FAM135A: variants seen among roughly 807,000 people sequenced by gnomAD.
FAM135A encodes the protein protein FAM135A.
In FAM135A, 79 loss-of-function variants were observed where a neutral mutation model predicts 146.8. The ratio of observed to expected loss-of-function variants is 0.54; its 90% CI spans 0.45 to 0.65. FAM135A has a LOEUF of 0.65. Ranked by LOEUF, FAM135A falls within the 30% of genes least tolerant of loss-of-function variation. The pLI is 0.00. For missense variants in FAM135A, 1,623 were observed against 1,758.2 expected (o/e 0.92, Z 1.38); for synonymous variants, 562 against 603.6 (o/e 0.93, Z 1.01).
rs1776920147 is a variant in FAM135A, at chr6:70,450,818, T to A, written c.78-1674T>A. On this transcript the variant is annotated intron_variant, in intron 4 of 21. Coordinates refer to ENST00000418814, the MANE Select transcript of FAM135A (RefSeq NM_001162529.3). ...GTGCAGTGGTATGATCTCAGCTCAC[T>A]GCAAACTCTGCCTCCTGGATTTAAG... Among the ~76,000 whole-genome samples the A allele has an allele frequency of 2.2e-5, 3 of 134,432 alleles. No homozygotes were observed. In the South Asian group the frequency reaches 8.0e-4, roughly 36 times the overall value. 88.2% of individuals were successfully genotyped at this position (134,432 alleles called of 152,430 possible).
intron 12 of FAM135A, chr6:70,503,627 TA>T (rs1186044816): frequency 6.6e-6 from 1 of 152,158 alleles, no homozygotes; most frequent in Non-Finnish European, 1.5e-5. Context: ...TACTTAGAAG[TA>T]ATCACTATAC....
At chr6:70,527,573 CTT>C (rs1261411807) in intron 15 of FAM135A, among the ~76,000 whole-genome samples, 2 of 152,028 alleles carry the variant, frequency 1.3e-5, no homozygotes, top group Non-Finnish European at 2.9e-5. Flanking sequence ...CTAATATAGA[CTT>C]TATATATTTT....
At chr6:70,501,243 G>A (rs944531117) in intron 11 of FAM135A, among the ~76,000 whole-genome samples, 2 of 150,646 alleles carry the variant, frequency 1.3e-5, no homozygotes, top group South Asian at 4.2e-4. Context: ...CTGCTTTGGT[G>A]CGCTGTGGTG....
intron 17 of FAM135A, 111 bp from the exon 18 acceptor site, chr6:70,533,646 T>C: frequency 1.5e-6 from 1 of 676,804 alleles, no homozygotes; most frequent in Non-Finnish European, 2.4e-6. Flanking sequence ...CTATAAAACA[T>C]TGAACTTAAC....
At chr6:70,549,537 T>C (rs746581598) in intron 20 of FAM135A, among the ~76,000 whole-genome samples, 4 of 152,120 alleles carry the variant, frequency 2.6e-5, no homozygotes, top group Admixed American at 2.6e-4. Flanking sequence ...CACATGAATT[T>C]TTTTGGTTTC....
At chr6:70,465,676 G>A (rs1780324071) in intron 5 of FAM135A, among the ~76,000 whole-genome samples, 1 of 152,150 alleles carries the variant, frequency 6.6e-6, no homozygotes, top group South Asian at 2.1e-4. Flanking sequence ...CACACACTGT[G>A]TGTGGCCAGT....
chr6:70,557,736 T>G (rs1801166767), intron 21 of FAM135A: 1 of 146,478 alleles, frequency 6.8e-6, no homozygotes, highest in South Asian at 2.2e-4. Flanking sequence ...CTCCTACCTC[T>G]CAATATTGCC....
At chr6:70,484,645 C>T (rs1784291379) in intron 10 of FAM135A, among the ~76,000 whole-genome samples, 1 of 152,156 alleles carries the variant, frequency 6.6e-6, no homozygotes, top group Non-Finnish European at 1.5e-5. Flanking sequence ...CAACCTAGAT[C>T]CCTCACACGC....
At chr6:70,432,024 A>G (rs543580788) in intron 4 of FAM135A, among the ~76,000 whole-genome samples, 1 of 152,234 alleles carries the variant, frequency 6.6e-6, no homozygotes, top group East Asian at 1.9e-4. Flanking sequence ...ATGATGTGAA[A>G]TCACTTTGCT....
At chr6:70,538,891 A>G (rs1426928129) in intron 20 of FAM135A, among the ~76,000 whole-genome samples, 1 of 131,016 alleles carries the variant, frequency 7.6e-6, no homozygotes, top group African/African-American at 2.7e-5. Context: ...AAGTGTCAGA[A>G]ACTAAACTAT....
intron 5 of FAM135A, among the ~76,000 whole-genome samples, chr6:70,458,931 C>G (rs1197097287): frequency 6.6e-6 from 1 of 152,090 alleles, no homozygotes; most frequent in African/African-American, 2.4e-5. Context: ...TATCTTTTCA[C>G]TATTAGTAAA....
At chr6:70,509,760 G>T (rs1324184664) in intron 12 of FAM135A, among the ~76,000 whole-genome samples, 2 of 152,106 alleles carry the variant, frequency 1.3e-5, no homozygotes, top group Admixed American at 1.3e-4. Flanking sequence ...AGCCAAAGTT[G>T]CATATCTTGT....
At chr6:70,436,188 A>C (rs1439200948) in intron 4 of FAM135A, among the ~76,000 whole-genome samples, 1 of 151,938 alleles carries the variant, frequency 6.6e-6, no homozygotes, top group African/African-American at 2.4e-5. Context: ...CTGTCTCAAA[A>C]AAAAAAAAAA....
At chr6:70,437,001 A>G (rs1773318334) in intron 4 of FAM135A, among the ~76,000 whole-genome samples, 1 of 152,230 alleles carries the variant, frequency 6.6e-6, no homozygotes, top group Non-Finnish European at 1.5e-5. Context: ...CAAAACATAA[A>G]TGACATGACT....
intron 4 of FAM135A, among the ~76,000 whole-genome samples, chr6:70,435,745 C>G (rs1320682654): frequency 1.3e-5 from 2 of 152,084 alleles, no homozygotes; most frequent in African/African-American, 4.8e-5. Context: ...GGTTGTTAAA[C>G]TTATGGAAGA....
At chr6:70,430,086 C>A (rs970390436) in intron 4 of FAM135A, among the ~76,000 whole-genome samples, 7 of 152,068 alleles carry the variant, frequency 4.6e-5, no homozygotes, top group Non-Finnish European at 8.8e-5. Context: ...CCTGTAATCC[C>A]AGCACTTTGG....
In FAM135A at chr6:70,526,376, G is replaced by T. The variant is rs1309969676; in HGVS notation, c.3292G>T (p.Gly1098Trp). Reference protein sequence around the residue: ...EEQDQQMVQNGYYEETDYSAL... With the variant: ...EEQDQQMVQNWYYEETDYSAL... ...GCAGGATCAACAAATGGTTCAAAATGGGTACTATGAAGAAACAGATTATTC... is the reference window on the plus strand; with the variant it reads ...GCAGGATCAACAAATGGTTCAAAATTGGTACTATGAAGAAACAGATTATTC... The change falls in exon 15 of 22, where the codon GGG becomes TGG. Residue 1098 changes from glycine (G) to tryptophan (W), a missense_variant. This residue lies in a region of FAM135A where 1,061 missense variants were observed against 1,113.8 expected (regional missense o/e 0.95). Coordinates refer to ENST00000418814, the MANE Select transcript of FAM135A (RefSeq NM_001162529.3). 6.2e-7 allele frequency: 1 copy of T among 1,613,488 alleles called. No homozygotes were observed. Among genetic ancestry groups the T allele is most frequent in the South Asian group, 1.1e-5 (1 of 91,044 alleles).
chr6:70,560,065 A>AAAAAGCACTAAACAT lies in FAM135A; in HGVS notation c.*144_*145insAAAAGCACTAAACAT. ...AAGATAATTTATATCATCCATGTTT[A>AAAAAGCACTAAACAT]GTGCTTTTTAAACATCAACTTTACT... On this transcript the variant is annotated 3_prime_UTR_variant, in exon 22 of 22. Transcript: ENST00000418814. The AAAAAGCACTAAACAT allele has an allele frequency of 3.1e-6, 2 of 649,552 alleles. No homozygotes were observed. Among genetic ancestry groups the AAAAAGCACTAAACAT allele is most frequent in the Non-Finnish European group, 4.9e-6 (2 of 407,132 alleles). The allele number at this position is 649,552 out of a possible 1,614,324, so 40.2% of individuals were successfully genotyped here. A position where few individuals can be genotyped will look rare whatever the true frequency, so the allele number is the denominator to read the frequency against.
intron 5 of FAM135A, among the ~76,000 whole-genome samples, chr6:70,473,951 G>T (rs1205044486): frequency 6.6e-6 from 1 of 152,124 alleles, no homozygotes; most frequent in African/African-American, 2.4e-5. Flanking sequence ...GCCTTCCCTT[G>T]TGGTTGCCCT....
Sources: allele counts gnomAD v4.1 joint callset (sites outside exome capture counted in the v4.1 genomes callset), GRCh38; gene constraint gnomAD v4.1.1; regional missense constraint gnomAD v4.1.1; transcripts MANE v1.5; gene names NCBI Gene and HGNC (gene_info 2026-07-23, HGNC 2026-07-21).